The following SLCO1A2 variants were observed in gnomAD, a reference collection of about 807,000 sequenced individuals.
SLCO1A2 encodes the protein OATP-1.
A neutral mutation model predicts 69.0 loss-of-function variants in SLCO1A2; 67 were observed. The observed-to-expected ratio is 0.97, with a 90% CI of 0.80 to 1.19. The LOEUF (loss-of-function observed/expected upper bound fraction) is 1.19, where lower values mean the gene tolerates loss of function less well. Among genes scored for constraint, SLCO1A2 ranks in the 50% most tolerant of loss-of-function variants. The pLI is 0.00. For synonymous variants in SLCO1A2, 260 were observed against 265.9 expected (o/e 0.98, Z 0.22); for missense variants, 787 against 793.7 (o/e 0.99, Z 0.10).
At chr12:21,381,151 A>C (rs1444681488) in intron 1 of SLCO1A2, among the ~76,000 whole-genome samples, 1 of 152,160 alleles carries the variant, frequency 6.6e-6, no homozygotes, top group Non-Finnish European at 1.5e-5. Flanking sequence ...CAACAAAAAC[A>C]AAAATAAATA....
rs1942099063 is a variant in SLCO1A2 at position 21,266,695 on chromosome 12, C to T, written c.*2853G>A. The T allele has an allele frequency of 6.6e-6, 1 of 151,860 alleles. No individual in the cohort carries two copies. Among genetic ancestry groups the T allele is most frequent in the Non-Finnish European group, 1.5e-5 (1 of 67,958 alleles). The allele number at this position is 151,860 out of a possible 1,614,324, so 9.4% of individuals were successfully genotyped here. On this transcript the variant is annotated 3_prime_UTR_variant, in exon 15 of 15. Coordinates refer to ENST00000683939, the MANE Select transcript of SLCO1A2 (RefSeq NM_001386879.1). Reference sequence around the variant, plus strand: ...CTTAAGGGTGTGTATATTCTGAGGTCTTCGAGCATCTCCCCAATAATGTGG... The same window carrying T: ...CTTAAGGGTGTGTATATTCTGAGGTTTTCGAGCATCTCCCCAATAATGTGG...
At chr12:21,339,268 G>C (rs1423413654), upstream of SLCO1A2, among the ~76,000 whole-genome samples, 1 of 151,984 alleles carries the variant, frequency 6.6e-6, no homozygotes, top group Non-Finnish European at 1.5e-5. Flanking sequence ...AATTGGGAGA[G>C]ATAGATAGTT....
chr12:21,321,575 C>A (rs1345938176), intron 2 of SLCO1A2, among the ~76,000 whole-genome samples: 1 of 152,212 alleles, frequency 6.6e-6, no homozygotes, highest in Non-Finnish European at 1.5e-5. Flanking sequence ...AACAAAGCCT[C>A]ATCTGTATTT....
chr12:21,411,477 C>T lies in SLCO1A2; in HGVS notation c.-312+6405G>A, dbSNP rs144362641. On this transcript the variant is annotated intron_variant, in intron 1 of 4. Transcript: ENST00000413682. ...ATTACACTGTGTCAATTTATCTATC[C>T]TCACACTGTGTTAATTGTTATGGCT... Among the ~76,000 whole-genome samples, 154 of 152,238 alleles carry T rather than the reference C, an allele frequency of 1.0e-3. 2 individuals carry two copies. In the East Asian group the frequency reaches 0.026, roughly 26 times the overall value.
At chr12:21,386,332 C>G (rs1426614603) in intron 1 of SLCO1A2, among the ~76,000 whole-genome samples, 2 of 152,066 alleles carry the variant, frequency 1.3e-5, no homozygotes, top group Non-Finnish European at 2.9e-5. Context: ...GTATAAAAAG[C>G]CCTTAGCATA....
chr12:21,337,924 T>A (rs530914686), upstream of SLCO1A2, among the ~76,000 whole-genome samples: 2 of 152,074 alleles, frequency 1.3e-5, no homozygotes, highest in South Asian at 4.1e-4. Context: ...TACATGTGAT[T>A]TCACCATGCA....
Position 21,295,790 on chromosome 12 carries a change from T to A in SLCO1A2, c.1078A>T (p.Ile360Phe). 1 of 1,430,114 alleles carries A rather than the reference T, an allele frequency of 7.0e-7. No individual in the cohort carries two copies. The highest frequency in any genetic ancestry group is 9.8e-7 in the Non-Finnish European group (1 of 1,022,370). The allele number at this position is 1,430,114 out of a possible 1,614,324, so 88.6% of individuals were successfully genotyped here. ...ATACATATTGGAGGTAAGTTATAAA[T>A]ACCTATAAATGCAAATAAAATATTA... ...SSSDAIFLMG[I>F]YNLPPICIGY... Residue 360 changes from isoleucine to phenylalanine, a missense_variant and splice_region_variant, in exon 10 of 15, where the codon ATT becomes TTT. Ile to Phe is a conservative substitution (Grantham distance 21). Transcript: ENST00000683939.
At position 21,333,833 on chromosome 12, in the gene SLCO1A2, G is replaced by A. The variant is rs149581656; in HGVS notation, c.60+755C>T. ...TTTTCTTAATTAACATACCATTTCA[G>A]GCAAGTCTATTTTTTTTAGATTTAT... On this transcript the variant is annotated intron_variant, in intron 2 of 14. Transcript: ENST00000683939. 2.8e-4 allele frequency among the ~76,000 whole-genome samples: 42 copies of A among 152,010 alleles called. No individual in the cohort carries two copies. The East Asian group carries it at 6.0e-3, about 22-fold the overall frequency.
At chr12:21,379,477 T>A (rs1002704481) in intron 1 of SLCO1A2, 1 of 152,238 alleles carries the variant, frequency 6.6e-6, no homozygotes, top group Non-Finnish European at 1.5e-5. Context: ...GACCACAGAC[T>A]TCTGGAAACT....
intron 12 of SLCO1A2, among the ~76,000 whole-genome samples, chr12:21,277,311 G>C (rs1406876089): frequency 6.6e-6 from 1 of 152,060 alleles, no homozygotes; most frequent in Non-Finnish European, 1.5e-5. Context: ...GGAACCTGCT[G>C]TCTTGAAGAG....
intron 14 of SLCO1A2, among the ~76,000 whole-genome samples, chr12:21,270,123 C>T (rs1457157431): frequency 6.6e-6 from 1 of 151,732 alleles, no homozygotes; most frequent in African/African-American, 2.4e-5. Context: ...TCCAAAGAAT[C>T]ATCATGAATT....
chr12:21,281,919 A>T (rs1565467698), intron 12 of SLCO1A2, among the ~76,000 whole-genome samples: 1 of 152,192 alleles, frequency 6.6e-6, no homozygotes, highest in Non-Finnish European at 1.5e-5. Flanking sequence ...AATAAAAAGT[A>T]ATGAGATTGA....
chr12:21,339,159 A>C (rs1307270141), upstream of SLCO1A2, among the ~76,000 whole-genome samples: 4 of 152,024 alleles, frequency 2.6e-5, no homozygotes, highest in Non-Finnish European at 5.9e-5. Context: ...TTTATTCTAC[A>C]AATATTTATT....
chr12:21,324,328 A>C (rs1357793938), intron 2 of SLCO1A2, among the ~76,000 whole-genome samples: 2 of 152,212 alleles, frequency 1.3e-5, no homozygotes, highest in Non-Finnish European at 2.9e-5. Flanking sequence ...TATTAAAGAG[A>C]AATTATAGTA....
chr12:21,358,760 T>C (rs1003302037), intron 2 of SLCO1A2, among the ~76,000 whole-genome samples: 1 of 148,910 alleles, frequency 6.7e-6, no homozygotes, highest in Non-Finnish European at 1.5e-5. Flanking sequence ...GAGATACTTT[T>C]AAAATATAAA....
intron 2 of SLCO1A2, among the ~76,000 whole-genome samples, chr12:21,368,149 C>T (rs956221915): frequency 6.6e-6 from 1 of 152,088 alleles, no homozygotes; most frequent in Non-Finnish European, 1.5e-5. Flanking sequence ...ATATTATGTA[C>T]CCCTTGATAT....
At chr12:21,326,446 A>C (rs1205113888) in intron 2 of SLCO1A2, among the ~76,000 whole-genome samples, 1 of 152,146 alleles carries the variant, frequency 6.6e-6, no homozygotes, top group Non-Finnish European at 1.5e-5. Flanking sequence ...GAAAGTTTGG[A>C]GCTTCCTACA....
chr12:21,363,300 G>C (rs1341522528), intron 2 of SLCO1A2, among the ~76,000 whole-genome samples: 2 of 152,080 alleles, frequency 1.3e-5, no homozygotes, highest in Non-Finnish European at 2.9e-5. Flanking sequence ...TGACTACTGG[G>C]TACATAACGA....
intron 2 of SLCO1A2, among the ~76,000 whole-genome samples, chr12:21,340,618 G>A (rs1300048243): frequency 1.3e-5 from 2 of 151,934 alleles, no homozygotes; most frequent in Non-Finnish European, 2.9e-5. Flanking sequence ...CACATGGAAA[G>A]TCCTTCTATT....
Sources: allele counts gnomAD v4.1 joint callset (sites outside exome capture counted in the v4.1 genomes callset), GRCh38; gene constraint gnomAD v4.1.1; transcripts MANE v1.5; gene names NCBI Gene and HGNC (gene_info 2026-07-23, HGNC 2026-07-21).